Variants in KLKB1 observed in about 807,000 individuals in gnomAD.
The protein encoded by KLKB1 is plasma kallikrein.
In KLKB1, 58 loss-of-function variants were observed where a neutral mutation model predicts 73.6. That is an observed-to-expected ratio of 0.79 (90% CI 0.64 to 0.98). The LOEUF is 0.98. KLKB1 is among the 50% of genes least tolerant of loss of function. The pLI is 0.00. For synonymous variants in KLKB1, 280 were observed against 258.1 expected (o/e 1.08, Z -0.81); for missense variants, 737 against 763.8 (o/e 0.96, Z 0.41).
chr4:186,248,595 A>AT (rs138717531), intron 6 of KLKB1, among the ~76,000 whole-genome samples: 3,863 of 114,866 alleles, frequency 0.034, 236 homozygotes, highest in African/African-American at 0.11. Flanking sequence ...TTGTTTCTGG[A>AT]TTTTTTTTTT....
chr4:186,225,188 T>A (rs1737126958), upstream of KLKB1, among the ~76,000 whole-genome samples: 1 of 152,146 alleles, frequency 6.6e-6, no homozygotes, highest in Admixed American at 6.5e-5. Flanking sequence ...GACTAATACA[T>A]CTGGGAAATT....
intron 2 of KLKB1, among the ~76,000 whole-genome samples, chr4:186,230,409 C>G (rs541330044): frequency 6.6e-6 from 1 of 152,114 alleles, no homozygotes; most frequent in Non-Finnish European, 1.5e-5. Flanking sequence ...CTTTAATTCT[C>G]ATTATTGTTT....
chr4:186,244,366 G>A (rs984322299), intron 6 of KLKB1, among the ~76,000 whole-genome samples: 6 of 152,210 alleles, frequency 3.9e-5, no homozygotes, highest in Non-Finnish European at 8.8e-5. Context: ...AGATGAGCCA[G>A]ACACAATCAG....
chr4:186,236,070 C>A (rs1222682900), intron 4 of KLKB1, among the ~76,000 whole-genome samples: 1 of 144,204 alleles, frequency 6.9e-6, no homozygotes. Flanking sequence ...GTCGAGATCG[C>A]GCCACTGCGC....
chr4:186,213,653 A>G (rs192840247), intron 2 of KLKB1, among the ~76,000 whole-genome samples: 2 of 152,366 alleles, frequency 1.3e-5, no homozygotes, highest in African/African-American at 4.8e-5. Flanking sequence ...CACTGGTCCC[A>G]GGGATTTAGA....
At chr4:186,230,372 G>A (rs1737334504) in intron 2 of KLKB1, among the ~76,000 whole-genome samples, 1 of 151,724 alleles carries the variant, frequency 6.6e-6, no homozygotes, top group African/African-American at 2.4e-5. Flanking sequence ...TTTCATATTT[G>A]TTATCTAATT....
chr4:186,240,490 A>C (rs2126646826), intron 6 of KLKB1, among the ~76,000 whole-genome samples: 1 of 152,294 alleles, frequency 6.6e-6, no homozygotes, highest in South Asian at 2.1e-4. Flanking sequence ...CTGTCGTTTC[A>C]CACATAAAGG....
chr4:186,212,020 G>A (rs1021914400), intron 2 of KLKB1: 1 of 151,996 alleles, frequency 6.6e-6, no homozygotes, highest in Non-Finnish European at 1.5e-5. Flanking sequence ...GGAGCTAGAA[G>A]GACTTTAGAA....
intron 4 of KLKB1, among the ~76,000 whole-genome samples, chr4:186,236,130 A>C (rs1273379126): frequency 1.4e-5 from 2 of 147,242 alleles, no homozygotes; most frequent in African/African-American, 4.9e-5. Context: ...AAAAAAAAAA[A>C]AAAGAGCCTA....
chr4:186,215,637 A>G (rs187076310), intron 2 of KLKB1, among the ~76,000 whole-genome samples: 14 of 152,086 alleles, frequency 9.2e-5, no homozygotes, highest in South Asian at 6.2e-4. Flanking sequence ...GCAGTGGCGC[A>G]ATTGTGGCTC....
intron 6 of KLKB1, among the ~76,000 whole-genome samples, chr4:186,245,940 G>A (rs1461473265): frequency 1.3e-5 from 2 of 151,412 alleles, no homozygotes; most frequent in African/African-American, 2.4e-5. Context: ...GCTGCCAAAC[G>A]GGCCATGAAC....
intron 6 of KLKB1, 135 bp from the exon 7 acceptor site, chr4:186,250,108 G>A: frequency 1.0e-6 from 1 of 972,472 alleles, no homozygotes; most frequent in Non-Finnish European, 1.6e-6. Flanking sequence ...TACTTTAAAG[G>A]ACATTTTTTC....
At chr4:186,216,419 G>A (rs541572900) in intron 2 of KLKB1, among the ~76,000 whole-genome samples, 2 of 152,262 alleles carry the variant, frequency 1.3e-5, no homozygotes, top group East Asian at 1.9e-4. Context: ...AGTGAGAAGC[G>A]TTACGCAGAA....
At chr4:186,212,096 A>G (rs528848568) in intron 2 of KLKB1, 1 of 152,316 alleles carries the variant, frequency 6.6e-6, no homozygotes, top group South Asian at 2.1e-4. Flanking sequence ...GTTTCTGCCC[A>G]AAGTCATGTT....
At chr4:186,252,297 C>G in intron 11 of KLKB1, 112 bp downstream of exon 11, 1 of 1,164,952 alleles carries the variant, frequency 8.6e-7, no homozygotes, top group Non-Finnish European at 1.3e-6. Flanking sequence ...CGTGTTAAAG[C>G]GGGGATGGTA....
intron 6 of KLKB1, among the ~76,000 whole-genome samples, chr4:186,245,179 T>C (rs1250091071): frequency 6.6e-6 from 1 of 152,158 alleles, no homozygotes; most frequent in African/African-American, 2.4e-5. Flanking sequence ...TTTAAGAGGT[T>C]TAGAAGCCTG....
In KLKB1 at chr4:186,255,959, T is replaced by C. The variant is rs375093480; in HGVS notation, c.1490-33T>C. On this transcript the variant is annotated intron_variant, in intron 12 of 14. Transcript: ENST00000264690. ...TAAAGTCTATATCCATAACTTTATT[T>C]GACCAAACTCTAATTTAAAAATTAT... is the stretch of plus-strand genomic sequence containing the variant. The C allele has an allele frequency of 5.2e-6, 7 of 1,342,248 alleles. No individual in the cohort carries two copies. In the Admixed American group the frequency reaches 8.4e-5, roughly 16 times the overall value. The allele number at this position is 1,342,248 out of a possible 1,614,324, so 83.1% of individuals were successfully genotyped here. A position where few individuals can be genotyped will look rare whatever the true frequency, so the allele number is the denominator to read the frequency against.
chr4:186,218,213 C>T (rs572278438), intron 2 of KLKB1, among the ~76,000 whole-genome samples: 1 of 152,284 alleles, frequency 6.6e-6, no homozygotes, highest in African/African-American at 2.4e-5. Flanking sequence ...CAAGCCAGTC[C>T]CTTCCAAATC....
chr4:186,242,799 T>C (rs1738122121), intron 6 of KLKB1, among the ~76,000 whole-genome samples: 1 of 152,028 alleles, frequency 6.6e-6, no homozygotes, highest in African/African-American at 2.4e-5. Context: ...TGGTGAGGTG[T>C]GTTTTTAAAA....
Sources: allele counts gnomAD v4.1 joint callset (sites outside exome capture counted in the v4.1 genomes callset), GRCh38; gene constraint gnomAD v4.1.1; transcripts MANE v1.5; gene names NCBI Gene and HGNC (gene_info 2026-07-23, HGNC 2026-07-21).